Variants in BMAL1 observed in about 807,000 individuals in gnomAD.
BMAL1 encodes the protein basic helix-loop-helix ARNT like 1, also known as basic helix-loop-helix ARNT-like protein 1.
At chr11:13,344,129 C>T in the BMAL1 span, among the ~76,000 whole-genome samples, 4 of 152,164 alleles carry the variant, frequency 2.6e-5, no homozygotes, top group East Asian at 1.9e-4. Context: ...CCAGGCCACC[C>T]GGCAAACCCC....
chr11:13,385,530 C>T, the BMAL1 span, among the ~76,000 whole-genome samples: 3 of 152,122 alleles, frequency 2.0e-5, no homozygotes, highest in African/African-American at 4.8e-5. Flanking sequence ...TTTTTTCTTA[C>T]TCTGACCATG....
At chr11:13,292,332 C>T in the BMAL1 span, among the ~76,000 whole-genome samples, 41,154 of 151,472 alleles carry the variant, frequency 0.27, 5,698 homozygotes, top group East Asian at 0.46. Flanking sequence ...ATCACGAGGT[C>T]AGGAGATCGA....
At chr11:13,365,360 T>A in the BMAL1 span, 43 of 518,388 alleles carry the variant, frequency 8.3e-5, no homozygotes, top group East Asian at 1.7e-4. Flanking sequence ...TTCAGCATCC[T>A]GCACTCAGGA....
At chr11:13,305,605 C>T in the BMAL1 span, among the ~76,000 whole-genome samples, 1 of 151,820 alleles carries the variant, frequency 6.6e-6, no homozygotes, top group South Asian at 2.1e-4. Flanking sequence ...CTTTTTGTTG[C>T]CTGATTGTGT....
chr11:13,292,555 A>T, the BMAL1 span, among the ~76,000 whole-genome samples: 27 of 151,344 alleles, frequency 1.8e-4, no homozygotes, highest in South Asian at 4.2e-4. Context: ...TCAAAAAAAA[A>T]AAAATAAAAT....
chr11:13,282,613 C>G, the BMAL1 span, among the ~76,000 whole-genome samples: 1 of 152,192 alleles, frequency 6.6e-6, no homozygotes, highest in African/African-American at 2.4e-5. Flanking sequence ...TTTTAGGACC[C>G]AGGGCCTTGG....
the BMAL1 span, among the ~76,000 whole-genome samples, chr11:13,341,936 C>T: frequency 3.3e-5 from 5 of 152,352 alleles, no homozygotes; most frequent in African/African-American, 9.6e-5. Context: ...GCTTTGGCCT[C>T]GCCAGCCTGG....
chr11:13,325,217 T>C, the BMAL1 span, among the ~76,000 whole-genome samples: 2 of 152,220 alleles, frequency 1.3e-5, no homozygotes, highest in African/African-American at 4.8e-5. Flanking sequence ...TGTAGTGGCA[T>C]TGGCTCTCTG....
the BMAL1 span, chr11:13,360,217 C>CT: frequency 1.3e-6 from 1 of 762,064 alleles, no homozygotes; most frequent in Non-Finnish European, 2.1e-6. Context: ...CAGTTAAGGC[C>CT]TAAACAATAA....
the BMAL1 span, among the ~76,000 whole-genome samples, chr11:13,304,856 G>A: frequency 3.3e-5 from 5 of 152,208 alleles, no homozygotes; most frequent in African/African-American, 7.2e-5. Flanking sequence ...TGCTGCCAGC[G>A]GTCCGGTTGG....
the BMAL1 span, among the ~76,000 whole-genome samples, chr11:13,362,477 CTG>C: frequency 2.6e-5 from 4 of 152,354 alleles, no homozygotes; most frequent in African/African-American, 7.2e-5. Context: ...ATACATGCCT[CTG>C]TGCCTTTCAT....
the BMAL1 span, chr11:13,366,565 A>G: frequency 8.9e-7 from 1 of 1,125,624 alleles, no homozygotes; most frequent in East Asian, 2.5e-5. Context: ...CTCATGCACA[A>G]AAACACAAAG....
the BMAL1 span, among the ~76,000 whole-genome samples, chr11:13,320,056 T>G: frequency 6.6e-6 from 1 of 152,230 alleles, no homozygotes; most frequent in Non-Finnish European, 1.5e-5. Flanking sequence ...TGCTAACATT[T>G]AGGCTCATGT....
the BMAL1 span, among the ~76,000 whole-genome samples, chr11:13,279,271 G>A: frequency 6.6e-6 from 1 of 152,140 alleles, no homozygotes; most frequent in Non-Finnish European, 1.5e-5. Context: ...GACACTACCC[G>A]TATACCCGTA....
the BMAL1 span, among the ~76,000 whole-genome samples, chr11:13,357,279 T>C: frequency 2.0e-5 from 3 of 152,272 alleles, no homozygotes; most frequent in African/African-American, 7.2e-5. This position sits in a 1 kb window ranked among gnomAD's most constrained non-coding sequence, Gnocchi z 4.8. Context: ...CTCTCCATAC[T>C]GGCTGGCCTT....
At chr11:13,284,210 GTGTATATATATATATA>G in the BMAL1 span, among the ~76,000 whole-genome samples, 3 of 20,014 alleles carry the variant, frequency 1.5e-4, 1 homozygote, top group South Asian at 2.9e-3. Flanking sequence ...ATATATATAT[GTGTATATATATATATA>G]TGTGTGTGTA....
the BMAL1 span, chr11:13,374,078 C>G: frequency 2.5e-6 from 4 of 1,605,118 alleles, no homozygotes; most frequent in South Asian, 4.4e-5. Flanking sequence ...TTTAAATATT[C>G]CTTTATTCCC....
At chr11:13,294,388 G>A in the BMAL1 span, among the ~76,000 whole-genome samples, 1 of 66,124 alleles carries the variant, frequency 1.5e-5, no homozygotes, top group Non-Finnish European at 3.2e-5. Flanking sequence ...CTCCTTCTCT[G>A]TGGTTTCCTA....
the BMAL1 span, among the ~76,000 whole-genome samples, chr11:13,363,487 C>T: frequency 1.4e-4 from 21 of 152,226 alleles, no homozygotes; most frequent in African/African-American, 4.8e-4. Context: ...CTTATCACTT[C>T]CAGGGTCCCA....
Sources: allele counts gnomAD v4.1 joint callset (sites outside exome capture counted in the v4.1 genomes callset), GRCh38; gene constraint gnomAD v4.1.1; non-coding constraint Gnocchi (gnomAD v3.1); transcripts MANE v1.5; gene names NCBI Gene and HGNC (gene_info 2026-07-23, HGNC 2026-07-21).